The following CPPED1 variants were observed in gnomAD, a reference collection of about 807,000 sequenced individuals.
CPPED1 encodes serine/threonine-protein phosphatase CPPED1.
CPPED1 carries 28 observed loss-of-function variants against 28.0 expected under a neutral mutation model. The ratio of observed to expected loss-of-function variants is 1.00; its 90% CI spans 0.74 to 1.37. The LOEUF (loss-of-function observed/expected upper bound fraction) is 1.37. Among genes scored for constraint, CPPED1 ranks in the 40% most tolerant of loss-of-function variants. The pLI, the probability that CPPED1 is intolerant of heterozygous loss-of-function variation, is 0.00. For synonymous variants in CPPED1, 198 were observed against 180.2 expected (o/e 1.10, Z -0.79); for missense variants, 504 against 416.5 (o/e 1.21, Z -1.83).
At chr16:12,786,344 G>T (rs143953123) in intron 1 of CPPED1, among the ~76,000 whole-genome samples, 206 of 152,268 alleles carry the variant, frequency 1.4e-3, no homozygotes, top group African/African-American at 4.7e-3. Flanking sequence ...GAACTCGAGT[G>T]GCCTGCAACT....
chr16:12,693,926 G>A (rs1024777653), intron 3 of CPPED1, among the ~76,000 whole-genome samples: 1 of 152,272 alleles, frequency 6.6e-6, no homozygotes. Context: ...TTACTTGGCC[G>A]GCTGTGTTGG....
chr16:12,772,152 A>G lies in CPPED1; in HGVS notation c.289+9033T>C, dbSNP rs576425410. ...ACAAAACAAAACAAAACAAAAAAAA[A>G]CAAAATTCCTAGTGAGGAAGGAGTG... On this transcript the variant is annotated intron_variant, in intron 2 of 3. Coordinates refer to ENST00000381774, the MANE Select transcript of CPPED1 (RefSeq NM_018340.3). 5.2e-3 allele frequency among the ~76,000 whole-genome samples: 792 copies of G among 152,234 alleles called. 10 individuals carry two copies. Among genetic ancestry groups the G allele is most frequent in the African/African-American group, 0.018 (748 of 41,530 alleles).
At chr16:12,782,864 C>G (rs1567305602) in intron 1 of CPPED1, among the ~76,000 whole-genome samples, 1 of 151,968 alleles carries the variant, frequency 6.6e-6, no homozygotes, top group Admixed American at 6.6e-5. Flanking sequence ...GAATGAGACT[C>G]TATCTCAATA....
chr16:12,688,589 G>A (rs760186383), intron 3 of CPPED1, among the ~76,000 whole-genome samples: 1 of 151,958 alleles, frequency 6.6e-6, no homozygotes, highest in Non-Finnish European at 1.5e-5. Context: ...CTGCTGCCTC[G>A]GCCTCCCAAA....
intron 2 of CPPED1, among the ~76,000 whole-genome samples, chr16:12,748,701 T>C (rs1422368613): frequency 1.3e-5 from 2 of 152,044 alleles, no homozygotes; most frequent in African/African-American, 4.8e-5. Context: ...CTGACCAACA[T>C]GGTGAAACTC....
chr16:12,728,672 A>G (rs1242538127), intron 2 of CPPED1, among the ~76,000 whole-genome samples: 1 of 152,222 alleles, frequency 6.6e-6, no homozygotes, highest in Non-Finnish European at 1.5e-5. Context: ...AAGATGCTAC[A>G]TTCCTGGCTG....
At chr16:12,788,985 CGTCTGTGGATGAG>C (rs1678952263) in intron 1 of CPPED1, among the ~76,000 whole-genome samples, 1 of 152,202 alleles carries the variant, frequency 6.6e-6, no homozygotes, top group African/African-American at 2.4e-5. Context: ...ACAAACTCGA[CGTCTGTGGATGAG>C]GTCTGCTTAG....
At chr16:12,721,864 AACCACCTCTGAG>A (rs2080142780) in intron 2 of CPPED1, among the ~76,000 whole-genome samples, 1 of 152,208 alleles carries the variant, frequency 6.6e-6, no homozygotes, top group African/African-American at 2.4e-5. Flanking sequence ...TTTAAAAACC[AACCACCTCTGAG>A]ACCTTCAAAA....
intron 1 of CPPED1, among the ~76,000 whole-genome samples, chr16:12,797,916 C>T (rs1028814490): frequency 5.9e-5 from 9 of 151,680 alleles, no homozygotes; most frequent in African/African-American, 2.2e-4. Flanking sequence ...CTTGTCTCTA[C>T]AAAAAAATAC....
At chr16:12,776,705 G>C (rs905751902) in intron 2 of CPPED1, among the ~76,000 whole-genome samples, 1 of 152,172 alleles carries the variant, frequency 6.6e-6, no homozygotes, top group Non-Finnish European at 1.5e-5. Context: ...TGGATCACGA[G>C]GTCAGGAGAT....
chr16:12,775,513 T>C (rs2141235291), intron 2 of CPPED1, among the ~76,000 whole-genome samples: 1 of 152,210 alleles, frequency 6.6e-6, no homozygotes, highest in Middle Eastern at 3.4e-3. Context: ...GCTCAAAAAG[T>C]TTCACATTTT....
At chr16:12,723,880 G>A (rs918123218) in intron 2 of CPPED1, among the ~76,000 whole-genome samples, 1 of 151,964 alleles carries the variant, frequency 6.6e-6, no homozygotes, top group African/African-American at 2.4e-5. Context: ...TCCACCACAC[G>A]GGGAAAAGCT....
At chr16:12,752,994 C>G (rs180823706) in intron 2 of CPPED1, 2 of 151,930 alleles carry the variant, frequency 1.3e-5, no homozygotes, top group Admixed American at 1.3e-4. Flanking sequence ...CTTTCAGATT[C>G]ATAAACTGAA....
At chr16:12,692,029 T>C (rs577013126) in intron 3 of CPPED1, among the ~76,000 whole-genome samples, 53 of 152,188 alleles carry the variant, frequency 3.5e-4, no homozygotes, top group Non-Finnish European at 1.5e-4. Context: ...AATTTTTGTA[T>C]TTTTAGTAGC....
chr16:12,797,091 G>A lies in CPPED1; in HGVS notation c.70+6616C>T, dbSNP rs1436574987. Among the ~76,000 whole-genome samples, 3 of 152,232 alleles carry A rather than the reference G, an allele frequency of 2.0e-5. No individual in the cohort carries two copies. The East Asian group carries it at 5.8e-4, about 29-fold the overall frequency. On this transcript the variant is annotated intron_variant, in intron 1 of 3. Coordinates refer to ENST00000381774, the MANE Select transcript of CPPED1 (RefSeq NM_018340.3). The stretch of plus-strand genomic sequence containing the variant: ...ATTAGCAGTTGCCTGTGCTGGGAGT[G>A]GCAACATGAAGAGACTTGCAAGTGG...
chr16:12,775,136 G>A (rs1403268556), intron 2 of CPPED1, among the ~76,000 whole-genome samples: 1 of 151,992 alleles, frequency 6.6e-6, no homozygotes, highest in Non-Finnish European at 1.5e-5. Flanking sequence ...TTTTTAAGAA[G>A]AGCAGAGACC....
At chr16:12,715,019 T>C (rs539501216) in intron 2 of CPPED1, among the ~76,000 whole-genome samples, 1 of 152,220 alleles carries the variant, frequency 6.6e-6, no homozygotes, top group Admixed American at 6.5e-5. Flanking sequence ...CATGTGGATA[T>C]CCAGATGTCC....
intron 2 of CPPED1, among the ~76,000 whole-genome samples, chr16:12,748,801 T>C (rs973674999): frequency 6.6e-6 from 1 of 151,050 alleles, no homozygotes; most frequent in Admixed American, 6.6e-5. Flanking sequence ...GAGAATCACT[T>C]GAACCCAGGA....
intron 2 of CPPED1, among the ~76,000 whole-genome samples, chr16:12,762,135 A>G (rs1444298927): frequency 6.6e-6 from 1 of 152,238 alleles, no homozygotes; most frequent in Admixed American, 6.5e-5. Flanking sequence ...AATTGAGAGG[A>G]CAGCCTGGGG....
Sources: allele counts gnomAD v4.1 joint callset (sites outside exome capture counted in the v4.1 genomes callset), GRCh38; gene constraint gnomAD v4.1.1; transcripts MANE v1.5; gene names NCBI Gene and HGNC (gene_info 2026-07-23, HGNC 2026-07-21).